The following SPMIP11 variants were observed in gnomAD, a reference collection of about 807,000 sequenced individuals.
SPMIP11 encodes long intergenic non-protein coding RNA 935.
At chr12:48,731,558 G>A in the SPMIP11 span, among the ~76,000 whole-genome samples, 2 of 152,084 alleles carry the variant, frequency 1.3e-5, no homozygotes, top group Admixed American at 6.5e-5. Flanking sequence ...ATTCACTGGC[G>A]CTAAATGGTA....
the SPMIP11 span, among the ~76,000 whole-genome samples, chr12:48,764,616 G>A: frequency 1.3e-5 from 2 of 152,178 alleles, no homozygotes. Context: ...CTCTCTTGGA[G>A]ATGGGCTTAC....
chr12:48,759,591 A>C, the SPMIP11 span, among the ~76,000 whole-genome samples: 1 of 151,916 alleles, frequency 6.6e-6, no homozygotes, highest in Non-Finnish European at 1.5e-5. Flanking sequence ...AGAGGCCTTG[A>C]AGCCGGGAGT....
At chr12:48,744,234 G>A in the SPMIP11 span, among the ~76,000 whole-genome samples, 1 of 134,186 alleles carries the variant, frequency 7.5e-6, no homozygotes, top group African/African-American at 2.8e-5. Context: ...GGCAACAAGA[G>A]TGAAGCAACC....
the SPMIP11 span, among the ~76,000 whole-genome samples, chr12:48,747,566 T>C: frequency 6.6e-6 from 1 of 152,174 alleles, no homozygotes; most frequent in Non-Finnish European, 1.5e-5. Flanking sequence ...ACTGTGCCCA[T>C]CATCCATGAT....
the SPMIP11 span, chr12:48,759,160 T>C: frequency 4.3e-6 from 3 of 699,960 alleles, no homozygotes; most frequent in East Asian, 8.1e-5. Context: ...AATCAGAGAA[T>C]CAAATAGTCA....
chr12:48,738,213 A>G, the SPMIP11 span, among the ~76,000 whole-genome samples: 1 of 152,194 alleles, frequency 6.6e-6, no homozygotes, highest in Non-Finnish European at 1.5e-5. Flanking sequence ...TTATTTAGCT[A>G]TTGCTGTATA....
At chr12:48,737,735 T>G in the SPMIP11 span, among the ~76,000 whole-genome samples, 1 of 151,458 alleles carries the variant, frequency 6.6e-6, no homozygotes, top group African/African-American at 2.4e-5. Flanking sequence ...ATTTATTGCT[T>G]CCTTTATTCT....
chr12:48,768,572 A>C, the SPMIP11 span: 4 of 1,613,780 alleles, frequency 2.5e-6, no homozygotes, highest in African/African-American at 1.3e-5. Flanking sequence ...CCTTCAGCTG[A>C]ATTTGTGGCT....
At chr12:48,742,342 C>T in the SPMIP11 span, among the ~76,000 whole-genome samples, 1 of 143,378 alleles carries the variant, frequency 7.0e-6, no homozygotes, top group Non-Finnish European at 1.5e-5. Flanking sequence ...AGTACAACGG[C>T]ACGATCTCGG....
chr12:48,734,212 C>A, the SPMIP11 span, among the ~76,000 whole-genome samples: 1 of 152,116 alleles, frequency 6.6e-6, no homozygotes, highest in African/African-American at 2.4e-5. Context: ...TTAAGTGATC[C>A]TCCCACTTCA....
chr12:48,753,355 C>G, the SPMIP11 span, among the ~76,000 whole-genome samples: 1 of 152,204 alleles, frequency 6.6e-6, no homozygotes, highest in African/African-American at 2.4e-5. Flanking sequence ...CACTGCTGCC[C>G]TTATCATTTC....
At chr12:48,751,424 G>A in the SPMIP11 span, among the ~76,000 whole-genome samples, 1 of 151,672 alleles carries the variant, frequency 6.6e-6, no homozygotes, top group Non-Finnish European at 1.5e-5. Flanking sequence ...GACCAGCCTG[G>A]GCAATACAGT....
chr12:48,768,868 A>G, the SPMIP11 span: 1 of 1,558,058 alleles, frequency 6.4e-7, no homozygotes, highest in East Asian at 2.3e-5. Flanking sequence ...GTCCTAGCAG[A>G]CTGCAGAGAC....
chr12:48,771,375 G>A, the SPMIP11 span: 4 of 502,838 alleles, frequency 8.0e-6, no homozygotes, highest in South Asian at 8.4e-5. The surrounding 1 kb of genome is among the most constrained non-coding windows in gnomAD (Gnocchi z 4.3). Context: ...CTATTCAGAG[G>A]ACCATCTTGC....
At chr12:48,742,825 C>T in the SPMIP11 span, among the ~76,000 whole-genome samples, 531 of 151,780 alleles carry the variant, frequency 3.5e-3, 2 homozygotes, top group Middle Eastern at 0.014. Context: ...GCAGAGGCTG[C>T]GGTGAGCCAA....
At chr12:48,737,718 A>ATTTTT in the SPMIP11 span, among the ~76,000 whole-genome samples, 135 of 149,080 alleles carry the variant, frequency 9.1e-4, no homozygotes, top group Non-Finnish European at 1.7e-3. Context: ...CCCAGCCTTA[A>ATTTTT]TTTTTAATTT....
At chr12:48,742,438 C>T in the SPMIP11 span, among the ~76,000 whole-genome samples, 2 of 151,692 alleles carry the variant, frequency 1.3e-5, no homozygotes, top group Non-Finnish European at 2.9e-5. Flanking sequence ...CCTGCCACCA[C>T]ACCCGGCTAA....
At chr12:48,748,687 A>G in the SPMIP11 span, among the ~76,000 whole-genome samples, 4 of 151,978 alleles carry the variant, frequency 2.6e-5, no homozygotes, top group Non-Finnish European at 5.9e-5. Context: ...TCAAACCTCC[A>G]ACACCTCCTC....
At chr12:48,759,111 A>G in the SPMIP11 span, 3 of 655,016 alleles carry the variant, frequency 4.6e-6, no homozygotes, top group South Asian at 5.0e-5. Flanking sequence ...TGGCTAGGAG[A>G]GATCCCTGCT....
Sources: gnomAD v4.1 joint callset for allele counts (sites outside exome capture counted in the v4.1 genomes callset) on GRCh38, gnomAD v4.1.1 for gene constraint, Gnocchi (gnomAD v3.1) non-coding constraint, MANE v1.5 for transcripts, NCBI Gene and HGNC (gene_info 2026-07-23, HGNC 2026-07-21) for gene names.